FHL5: variants seen among roughly 807,000 people sequenced by gnomAD.
FHL5 encodes four and a half LIM domains 5, also known as four and a half LIM domains protein 5.
In FHL5, 33 loss-of-function variants were observed where a neutral mutation model predicts 32.0. The ratio of observed to expected loss-of-function variants is 1.03; its 90% CI spans 0.78 to 1.38. FHL5 has a LOEUF of 1.38. Among genes scored for constraint, FHL5 ranks in the 40% most tolerant of loss-of-function variants. The pLI, the probability that FHL5 is intolerant of heterozygous loss-of-function variation, is 0.00. For synonymous variants in FHL5, 114 were observed against 113.6 expected, an observed-to-expected ratio of 1.00 and a Z score of -0.02; for missense variants, 336 against 343.9, an observed-to-expected ratio of 0.98 and a Z score of 0.18.
chr6:96,563,842 T>G (rs1048437943), intron 1 of FHL5, among the ~76,000 whole-genome samples: 1 of 152,172 alleles, frequency 6.6e-6, no homozygotes, highest in East Asian at 1.9e-4. Flanking sequence ...CCTGCTATTT[T>G]CAAGAAAAAT....
At chr6:96,565,762 G>C (rs563596192) in intron 1 of FHL5, among the ~76,000 whole-genome samples, 15 of 152,140 alleles carry the variant, frequency 9.9e-5, no homozygotes, top group Middle Eastern at 3.4e-3. Flanking sequence ...GCTTGATTTT[G>C]TTTAACTATC....
Position 96,615,933 on chromosome 6 carries a change from A to G in FHL5, c.*161A>G, listed in dbSNP as rs918778314. ...TTTGATCGAACTATATTCTAAGCAC[A>G]CAAAAAGCACAGTAGAACAGAAATG... On this transcript the variant is annotated 3_prime_UTR_variant, in exon 6 of 6. Coordinates refer to ENST00000450218, the MANE Select transcript of FHL5 (RefSeq NM_001322466.2). 1 of 531,232 alleles carries G rather than the reference A, an allele frequency of 1.9e-6. No individual in the cohort carries two copies. The highest frequency in any genetic ancestry group is 3.6e-5 in the Admixed American group (1 of 27,558). 32.9% of individuals were successfully genotyped at this position (531,232 alleles called of 1,614,324 possible).
At position 96,605,423 on chromosome 6, in the gene FHL5, A is replaced by G. The variant is rs138552107; in HGVS notation, c.335-479A>G. On this transcript the variant is annotated intron_variant, in intron 3 of 5. Coordinates refer to ENST00000450218, the MANE Select transcript of FHL5 (RefSeq NM_001322466.2). ...TTATATTTTGATCTTCTCAATCTCT[A>G]TGGTCAGCAGCATAAGAACATAATT... Among the ~76,000 whole-genome samples the G allele has an allele frequency of 2.7e-3, 418 of 152,250 alleles. 1 individual carries two copies. Among genetic ancestry groups the G allele is most frequent in the African/African-American group, 9.8e-3 (407 of 41,536 alleles).
intron 5 of FHL5, among the ~76,000 whole-genome samples, chr6:96,610,975 A>G (rs1203057414): frequency 6.6e-6 from 1 of 152,214 alleles, no homozygotes; most frequent in Non-Finnish European, 1.5e-5. Context: ...ATACTCTGTG[A>G]AGGTAACTAC....
chr6:96,576,934 C>A (rs938151918), intron 1 of FHL5, among the ~76,000 whole-genome samples: 6 of 152,154 alleles, frequency 3.9e-5, no homozygotes, highest in African/African-American at 1.2e-4. Context: ...CAGATTTTCC[C>A]CATTTCCTTA....
chr6:96,565,221 G>T (rs1378365827), intron 1 of FHL5, among the ~76,000 whole-genome samples: 1 of 152,114 alleles, frequency 6.6e-6, no homozygotes, highest in Non-Finnish European at 1.5e-5. Context: ...TAATTACCCT[G>T]ATTAGAACAT....
At chr6:96,604,034 C>T (rs942295551) in intron 2 of FHL5, among the ~76,000 whole-genome samples, 1 of 152,182 alleles carries the variant, frequency 6.6e-6, no homozygotes. Flanking sequence ...TCCAAAGTTA[C>T]ACAGCTAGAA....
chr6:96,587,289 C>G (rs1245755906), intron 1 of FHL5, among the ~76,000 whole-genome samples: 1 of 152,172 alleles, frequency 6.6e-6, no homozygotes, highest in East Asian at 1.9e-4. Context: ...TATTAGGCAA[C>G]CATTTTATGG....
At chr6:96,579,728 G>A (rs1770659754) in intron 1 of FHL5, among the ~76,000 whole-genome samples, 2 of 152,166 alleles carry the variant, frequency 1.3e-5, no homozygotes, top group African/African-American at 4.8e-5. Context: ...TAAGAATTGG[G>A]AGGTAAATTT....
intron 1 of FHL5, among the ~76,000 whole-genome samples, chr6:96,584,461 TTGTG>T (rs781665593): frequency 2.3e-3 from 194 of 85,298 alleles, no homozygotes; most frequent in Middle Eastern, 0.018. Context: ...GTGTGTGTGT[TTGTG>T]TGTGTGTGTG....
chr6:96,584,594 G>A (rs965689305), intron 1 of FHL5, among the ~76,000 whole-genome samples: 3 of 151,888 alleles, frequency 2.0e-5, no homozygotes, highest in Admixed American at 6.6e-5. Context: ...TTTTATAGTC[G>A]AAGAAGAGCT....
intron 1 of FHL5, among the ~76,000 whole-genome samples, chr6:96,591,213 T>C (rs1036152929): frequency 1.3e-5 from 2 of 152,180 alleles, no homozygotes; most frequent in African/African-American, 4.8e-5. Flanking sequence ...TTTATTTCCC[T>C]CTGTATGTAG....
At chr6:96,590,308 T>C (rs1459287613) in intron 1 of FHL5, among the ~76,000 whole-genome samples, 1 of 152,034 alleles carries the variant, frequency 6.6e-6, no homozygotes, top group Non-Finnish European at 1.5e-5. Context: ...TATTTTGGTT[T>C]TCTGTTTATT....
chr6:96,602,426 CTTT>C lies in FHL5; in HGVS notation c.-12-1140_-12-1138del, dbSNP rs1168636713. Among the ~76,000 whole-genome samples, 41 of 33,688 alleles carry C rather than the reference CTTT, an allele frequency of 1.2e-3. 1 individual carries two copies. The highest frequency in any genetic ancestry group is 2.8e-3 in the African/African-American group (34 of 12,038). 22.1% of individuals were successfully genotyped at this position (33,688 alleles called of 152,430 possible). A position where few individuals can be genotyped will look rare whatever the true frequency, so the allele number is the denominator to read the frequency against. On this transcript the variant is annotated intron_variant, in intron 1 of 5. Transcript: ENST00000450218. ...ACCTGGAAATCTATATGCGTTGTTT[CTTT>C]TTTTTTTTTTTTTTTTTTTTTTTTT... is the stretch of plus-strand genomic sequence containing the variant.
At chr6:96,601,315 T>C (rs3849199) in intron 1 of FHL5, among the ~76,000 whole-genome samples, 62,117 of 151,962 alleles carry the variant, frequency 0.41, 13,376 homozygotes, top group African/African-American at 0.56. Context: ...GCCTGGGCAA[T>C]AGAGCAGGAC....
At chr6:96,612,990 C>T (rs922072906) in intron 5 of FHL5, among the ~76,000 whole-genome samples, 3 of 152,054 alleles carry the variant, frequency 2.0e-5, no homozygotes, top group Non-Finnish European at 4.4e-5. Context: ...TCAAAGGATA[C>T]ACAATTTCAG....
chr6:96,591,254 T>C (rs1770909584), intron 1 of FHL5, among the ~76,000 whole-genome samples: 1 of 152,176 alleles, frequency 6.6e-6, no homozygotes. Flanking sequence ...ACTTATCTAA[T>C]AGTTGTCATA....
At position 96,603,721 on chromosome 6, in the gene FHL5, A is replaced by G. The variant is rs1771206352; in HGVS notation, c.108A>G (p.Val36=). The G allele has an allele frequency of 1.2e-6, 2 of 1,612,036 alleles. No homozygotes were observed. Among genetic ancestry groups the G allele is most frequent in the African/African-American group, 2.7e-5 (2 of 74,868 alleles). The change falls in exon 2 of 6, where the codon GTA becomes GTG. Residue 36 remains valine (V), a synonymous_variant. Coordinates refer to ENST00000450218, the MANE Select transcript of FHL5 (RefSeq NM_001322466.2). ...ACTGTGTTACATGTTATGATCGTGT[A>G]TTTTCTAACTATTGCGAGGAATGCA... ...SPYCVTCYDR[V]FSNYCEECKK... is the part of the protein sequence containing the mutation.
chr6:96,586,943 T>A (rs918276210), intron 1 of FHL5, among the ~76,000 whole-genome samples: 6 of 152,160 alleles, frequency 3.9e-5, no homozygotes, highest in African/African-American at 1.4e-4. Flanking sequence ...TGATAAGAGA[T>A]GAAACACGGC....
Sources: allele counts gnomAD v4.1 joint callset (sites outside exome capture counted in the v4.1 genomes callset), GRCh38; gene constraint gnomAD v4.1.1; transcripts MANE v1.5; gene names NCBI Gene and HGNC (gene_info 2026-07-23, HGNC 2026-07-21).